Variants in CHEK1 observed in about 807,000 individuals in gnomAD.
The protein encoded by CHEK1 is checkpoint kinase 1.
A neutral mutation model predicts 60.2 loss-of-function variants in CHEK1; 32 were observed. The observed-to-expected ratio is 0.53, with a 90% CI of 0.40 to 0.71. The LOEUF (loss-of-function observed/expected upper bound fraction) is 0.71. CHEK1 is among the 30% of genes least tolerant of loss of function. CHEK1 has a pLI of 0.00. For synonymous variants in CHEK1, 179 were observed against 187.2 expected (o/e 0.96, Z 0.36); for missense variants, 399 against 564.6 (o/e 0.71, Z 2.97).
chr11:125,642,724 T>C (rs540436), intron 8 of CHEK1: 129,750 of 152,104 alleles, frequency 0.85, 55,516 homozygotes, highest in South Asian at 0.95. Flanking sequence ...GATGAACATT[T>C]GATGGGAGAA....
chr11:125,643,931 A>C, intron 9 of CHEK1, 31 bp downstream of exon 9: 1 of 1,578,542 alleles, frequency 6.3e-7, no homozygotes, highest in Non-Finnish European at 8.7e-7. Flanking sequence ...GTAGTTTTTG[A>C]TTGTAGTATT....
chr11:125,650,363 T>C (rs2136049385), intron 11 of CHEK1, among the ~76,000 whole-genome samples: 1 of 152,248 alleles, frequency 6.6e-6, no homozygotes, highest in South Asian at 2.1e-4. Flanking sequence ...GGACATATTG[T>C]GGCAATATGT....
At chr11:125,672,302 T>TGG (rs1942224512) in intron 13 of CHEK1, 1 of 267,478 alleles carries the variant, frequency 3.7e-6, no homozygotes, top group East Asian at 7.8e-5. Flanking sequence ...ACTAGATTAA[T>TGG]GGGGGAAAAA....
intron 2 of CHEK1, 36 bp from the exon 3 acceptor site, chr11:125,627,571 G>A: frequency 6.6e-7 from 1 of 1,521,592 alleles, no homozygotes; most frequent in Non-Finnish European, 8.9e-7. Flanking sequence ...TAGAAGAAAT[G>A]GAATTCTGTA....
chr11:125,676,554 T>C, downstream of CHEK1: 1 of 1,552,854 alleles, frequency 6.4e-7, no homozygotes, highest in South Asian at 1.1e-5. Flanking sequence ...CTGGGAGGGG[T>C]AATGGGCAAT....
chr11:125,631,023 C>T (rs1435054140), intron 5 of CHEK1, among the ~76,000 whole-genome samples: 1 of 152,014 alleles, frequency 6.6e-6, no homozygotes, highest in Non-Finnish European at 1.5e-5. Flanking sequence ...TCTGTTTATA[C>T]AAAGTTCAAA....
intron 13 of CHEK1, among the ~76,000 whole-genome samples, chr11:125,669,587 G>A (rs1206890779): frequency 2.1e-5 from 3 of 141,656 alleles, no homozygotes; most frequent in Non-Finnish European, 4.5e-5. Context: ...ACAGTGGTGC[G>A]ATCTCGGCTC....
chr11:125,631,861 C>CAAAA (rs57281904), intron 5 of CHEK1, among the ~76,000 whole-genome samples: 2 of 51,354 alleles, frequency 3.9e-5, no homozygotes, highest in African/African-American at 8.0e-5. Context: ...GACACTTTCT[C>CAAAA]AAAAAAAAAA....
intron 13 of CHEK1, among the ~76,000 whole-genome samples, chr11:125,670,946 AT>A (rs1176029758): frequency 1.3e-5 from 2 of 150,072 alleles, no homozygotes; most frequent in African/African-American, 2.4e-5. Context: ...CTACCCTTAA[AT>A]TTTTTTTTTA....
chr11:125,651,480 G>A (rs923983841), intron 11 of CHEK1, among the ~76,000 whole-genome samples: 1 of 151,836 alleles, frequency 6.6e-6, no homozygotes, highest in African/African-American at 2.4e-5. Flanking sequence ...TACAGACAGG[G>A]TTTCACCATG....
rs371242771 is a variant in CHEK1, at chr11:125,629,484, C to T, written c.424+24C>T. ...GGGTAAGTTTAGCATTTTATCACTA[C>T]CTAAAATAAAATAAAATAATTACCT... On this transcript the variant is annotated intron_variant, in intron 5 of 12. Coordinates refer to ENST00000438015, the MANE Select transcript of CHEK1 (RefSeq NM_001114122.3). 7 of 1,486,392 alleles carry T rather than the reference C, an allele frequency of 4.7e-6. No homozygotes were observed. In the African/African-American group the frequency reaches 8.4e-5, roughly 18 times the overall value. 92.1% of individuals were successfully genotyped at this position (1,486,392 alleles called of 1,614,324 possible). A position where few individuals can be genotyped will look rare whatever the true frequency, so the allele number is the denominator to read the frequency against.
downstream of CHEK1, chr11:125,678,279 T>A: frequency 6.2e-7 from 1 of 1,613,916 alleles, no homozygotes; most frequent in Admixed American, 1.7e-5. Context: ...AGAAAGCTCA[T>A]TAGGCTGACT....
chr11:125,627,859 TAAAC>T (rs773068852), intron 3 of CHEK1, 29 bp downstream of exon 3: 1 of 1,473,966 alleles, frequency 6.8e-7, no homozygotes, highest in East Asian at 2.3e-5. Context: ...ATAATTATTT[TAAAC>T]AAGTTTTTAA....
intron 11 of CHEK1, among the ~76,000 whole-genome samples, chr11:125,647,117 C>T (rs867083365): frequency 5.3e-5 from 8 of 152,108 alleles, no homozygotes; most frequent in Non-Finnish European, 1.2e-4. Context: ...GGACTACAGT[C>T]TTAAAGTTTA....
chr11:125,629,171 A>C (rs1940755059), intron 3 of CHEK1, 61 bp from the exon 4 acceptor site: 9 of 1,493,024 alleles, frequency 6.0e-6, no homozygotes, highest in South Asian at 4.6e-5. Context: ...CAAATTAAGA[A>C]GCTATGTGGT....
chr11:125,679,460 C>T (rs549351068), downstream of CHEK1, among the ~76,000 whole-genome samples: 4 of 152,194 alleles, frequency 2.6e-5, no homozygotes, highest in East Asian at 5.8e-4. Flanking sequence ...TCAAGTGATC[C>T]GCCCGCCTCA....
rs1166263025 is a variant in CHEK1, at chr11:125,625,625, G to A, written c.-408G>A. On this transcript the variant is annotated 5_prime_UTR_variant, in exon 1 of 13. Coordinates refer to ENST00000438015, the MANE Select transcript of CHEK1 (RefSeq NM_001114122.3). ...AGGAGCGAAGCCCGCAGCCCCGCCT[G>A]GAAGCGCAGCGCGGTCGGTCGCGCG... 4 of 596,400 alleles carry A rather than the reference G, an allele frequency of 6.7e-6. No homozygotes were observed. Among genetic ancestry groups the A allele is most frequent in the Non-Finnish European group, 1.2e-5 (4 of 334,028 alleles). The allele number at this position is 596,400 out of a possible 1,614,324, so 36.9% of individuals were successfully genotyped here. A position where few individuals can be genotyped will look rare whatever the true frequency, so the allele number is the denominator to read the frequency against.
rs552083132 is a variant in CHEK1 at position 125,655,993 on chromosome 11, A to G, written c.*673A>G. The G allele has an allele frequency of 4.8e-6, 1 of 208,602 alleles. No homozygotes were observed. Among genetic ancestry groups the G allele is most frequent in the Non-Finnish European group, 9.7e-6 (1 of 102,684 alleles). 12.9% of individuals were successfully genotyped at this position (208,602 alleles called of 1,614,324 possible). A position where few individuals can be genotyped will look rare whatever the true frequency, so the allele number is the denominator to read the frequency against. On this transcript the variant is annotated 3_prime_UTR_variant, in exon 13 of 13. Coordinates refer to ENST00000438015, the MANE Select transcript of CHEK1 (RefSeq NM_001114122.3). ...TCTAAAAATTACTGTTGAACATCTT[A>G]AATATTTTTCTATATTTTCTACTTT...
chr11:125,635,751 A>G (rs1345331410), intron 7 of CHEK1: 3 of 291,372 alleles, frequency 1.0e-5, no homozygotes, highest in Non-Finnish European at 1.9e-5. Context: ...GGGAGTGTAT[A>G]TTCAGAGCAA....
Sources: gnomAD v4.1 joint callset for allele counts (sites outside exome capture counted in the v4.1 genomes callset) on GRCh38, gnomAD v4.1.1 for gene constraint, MANE v1.5 for transcripts, NCBI Gene and HGNC (gene_info 2026-07-23, HGNC 2026-07-21) for gene names.